Variants in TNFRSF13B observed in about 807,000 individuals in gnomAD.
TNFRSF13B encodes tumor necrosis factor receptor superfamily member 13B.
A neutral mutation model predicts 24.0 loss-of-function variants in TNFRSF13B; 34 were observed. The ratio of observed to expected loss-of-function variants is 1.41; its 90% CI spans 1.08 to 1.88. The LOEUF is 1.88. Ranked by LOEUF, TNFRSF13B falls within the 40% of genes most tolerant of loss-of-function variation. TNFRSF13B has a pLI of 0.00. For synonymous variants in TNFRSF13B, 173 were observed against 150.3 expected, an observed-to-expected ratio of 1.15 and a Z score of -1.10; for missense variants, 415 against 380.8, an observed-to-expected ratio of 1.09 and a Z score of -0.75.
intron 3 of TNFRSF13B, chr17:16,940,834 A>G: frequency 7.9e-7 from 1 of 1,262,284 alleles, no homozygotes; most frequent in South Asian, 1.6e-5. Context: ...CGAACAGACG[A>G]TGCTCCAGGG....
chr17:16,952,133 AC>A (rs2087593186), intron 2 of TNFRSF13B, among the ~76,000 whole-genome samples: 1 of 152,066 alleles, frequency 6.6e-6, no homozygotes, highest in African/African-American at 2.4e-5. Flanking sequence ...GTCAGAGGAG[AC>A]CCCTGACGTT....
rs1267224269 is a variant in TNFRSF13B at position 16,961,827 on chromosome 17, A to G, written c.62-9244T>C. 3.3e-5 allele frequency among the ~76,000 whole-genome samples: 5 copies of G among 152,232 alleles called. No individual in the cohort carries two copies. In the East Asian group the frequency reaches 9.6e-4, roughly 29 times the overall value. On this transcript the variant is annotated intron_variant, in intron 1 of 4. Transcript: ENST00000261652. ...TAGAAAGTTATTTTCAGTCTAGAAC[A>G]TTGTTATCTATCAAGTGCGAGGTAG...
chr17:16,941,349 G>C (rs1365280308), intron 3 of TNFRSF13B: 1 of 987,558 alleles, frequency 1.0e-6, no homozygotes, highest in East Asian at 1.1e-4. Context: ...GCCACCCTAT[G>C]ACTCAGGACT....
chr17:16,968,107 C>T (rs1432607141), intron 1 of TNFRSF13B, among the ~76,000 whole-genome samples: 4 of 144,034 alleles, frequency 2.8e-5, no homozygotes, highest in Admixed American at 1.4e-4. Context: ...CACCACTGCA[C>T]TCCAGCCTGG....
intron 1 of TNFRSF13B, among the ~76,000 whole-genome samples, chr17:16,960,512 A>T (rs1054568431): frequency 3.3e-5 from 5 of 152,210 alleles, no homozygotes; most frequent in Non-Finnish European, 7.4e-5. Context: ...TTCAATGGGG[A>T]AAAGGACAGT....
At chr17:16,940,243 G>C in intron 4 of TNFRSF13B, 83 bp downstream of exon 4, 1 of 1,610,890 alleles carries the variant, frequency 6.2e-7, no homozygotes, top group South Asian at 1.1e-5. Context: ...CTAGAAGCAG[G>C]GGCAGTGACA....
chr17:16,946,596 A>ATT lies in TNFRSF13B; in HGVS notation c.445+2140_445+2141dup, dbSNP rs869159793. On this transcript the variant is annotated intron_variant, in intron 3 of 4. Coordinates refer to ENST00000261652, the MANE Select transcript of TNFRSF13B (RefSeq NM_012452.3). ...TTTATTTTTATTTATTTATTTATTT[A>ATT]TTTTTTTTTGAGACACAGTCTCACT... is the stretch of plus-strand genomic sequence containing the variant. Among the ~76,000 whole-genome samples, 120 of 136,286 alleles carry ATT rather than the reference A, an allele frequency of 8.8e-4. 1 individual carries two copies. Among genetic ancestry groups the ATT allele is most frequent in the African/African-American group, 3.1e-3 (112 of 36,198 alleles). The allele number at this position is 136,286 out of a possible 152,430, so 89.4% of individuals were successfully genotyped here. A position where few individuals can be genotyped will look rare whatever the true frequency, so the allele number is the denominator to read the frequency against.
chr17:16,952,520 G>T lies in TNFRSF13B; in HGVS notation c.125C>A (p.Pro42His), dbSNP rs770198071. The T allele has an allele frequency of 6.2e-7, 1 of 1,614,228 alleles. No individual in the cohort carries two copies. Among genetic ancestry groups the T allele is most frequent in the Non-Finnish European group, 8.5e-7 (1 of 1,180,032 alleles). Reference protein sequence around the residue: ...RSCPEEQYWDPLLGTCMSCKT... With the variant: ...RSCPEEQYWDHLLGTCMSCKT... Reference sequence around the variant, plus strand: ...GCAGGACATGCAGGTACCCAGCAGAGGATCCCAGTACTGCTCTTCGGGGCA... The same window carrying T: ...GCAGGACATGCAGGTACCCAGCAGATGATCCCAGTACTGCTCTTCGGGGCA... Residue 42 changes from proline (P) to histidine (H), a missense_variant, in exon 2 of 5, where the codon CCT becomes CAT. Transcript: ENST00000261652.
At position 16,952,592 on chromosome 17, in the gene TNFRSF13B, C is replaced by T. The variant is rs1325092488; in HGVS notation, c.62-9G>A. On this transcript the variant is annotated splice_polypyrimidine_tract_variant and intron_variant, in intron 1 of 4. Coordinates refer to ENST00000261652, the MANE Select transcript of TNFRSF13B (RefSeq NM_012452.3). ...CCACAGGCCCTGTGGAACTGAGAGA[C>T]CAGGAGAGTGAGGGCAGCTGGCAGG... 3 of 1,614,178 alleles carry T rather than the reference C, an allele frequency of 1.9e-6. No homozygotes were observed. Among genetic ancestry groups the T allele is most frequent in the Admixed American group, 3.3e-5 (2 of 60,018 alleles).
At position 16,948,921 on chromosome 17, in the gene TNFRSF13B, T is replaced by C. The variant is rs2087568984; in HGVS notation, c.262A>G (p.Ser88Gly). The C allele has an allele frequency of 6.2e-7, 1 of 1,614,108 alleles. No homozygotes were observed. Among genetic ancestry groups the C allele is most frequent in the Non-Finnish European group, 8.5e-7 (1 of 1,180,038 alleles). ...TGCTGTCCACAGATGGAGGCACAGC[T>C]GATGCAGTCCCTCAGGAGATGGTCA... ...FYDHLLRDCI[S>G]CASICGQHPK... The change falls in exon 3 of 5, where the codon AGC becomes GGC. Residue 88 changes from serine to glycine, a missense_variant. Physicochemically the swap from Ser to Gly is moderately conservative, Grantham distance 56 (BLOSUM62 0). Coordinates refer to ENST00000261652, the MANE Select transcript of TNFRSF13B (RefSeq NM_012452.3).
At chr17:16,952,720 A>G (rs931569462) in intron 1 of TNFRSF13B, 137 bp from the exon 2 acceptor site, 2 of 1,382,750 alleles carry the variant, frequency 1.4e-6, no homozygotes, top group African/African-American at 2.9e-5. Context: ...GAGGGCAGAC[A>G]AAGTTGGCTT....
At chr17:16,967,862 G>C (rs1469821590) in intron 1 of TNFRSF13B, among the ~76,000 whole-genome samples, 1 of 151,220 alleles carries the variant, frequency 6.6e-6, no homozygotes, top group African/African-American at 2.4e-5. Flanking sequence ...AGAAGGCCAG[G>C]CATGGTGGCT....
chr17:16,960,118 A>G (rs1442341197), intron 1 of TNFRSF13B, among the ~76,000 whole-genome samples: 1 of 151,952 alleles, frequency 6.6e-6, no homozygotes, highest in Non-Finnish European at 1.5e-5. Context: ...TTGGAGTGCA[A>G]TGGTAGTTCC....
At chr17:16,941,024 A>G (rs778555814) in intron 3 of TNFRSF13B, 10 of 738,276 alleles carry the variant, frequency 1.4e-5, no homozygotes, top group Admixed American at 1.0e-4. Flanking sequence ...CATATAACCT[A>G]TGCACATCCT....
At position 16,972,027 on chromosome 17, in the gene TNFRSF13B, G is replaced by A. The variant is rs764951604; in HGVS notation, c.49C>T (p.Gln17Ter). 2 of 1,614,088 alleles carry A rather than the reference G, an allele frequency of 1.2e-6. No individual in the cohort carries two copies. Among genetic ancestry groups the A allele is most frequent in the Admixed American group, 3.3e-5 (2 of 60,024 alleles). ...CCCGGCTACTCACAGCGCTCCTCCTGGTCCACACGGCTCCGGCCACCTCGC... is the reference window on the plus strand; with the variant it reads ...CCCGGCTACTCACAGCGCTCCTCCTAGTCCACACGGCTCCGGCCACCTCGC... ...SRRGGRSRVD[Q>*]EERFPQGLWT... Residue 17 changes from glutamine (Q) to a stop codon, truncating the protein, a stop_gained, in exon 1 of 5, where the codon CAG becomes TAG. Coordinates refer to ENST00000261652, the MANE Select transcript of TNFRSF13B (RefSeq NM_012452.3). LOFTEE classifies it high-confidence loss of function.
At chr17:16,943,161 G>A (rs1178791226) in intron 3 of TNFRSF13B, among the ~76,000 whole-genome samples, 1 of 152,198 alleles carries the variant, frequency 6.6e-6, no homozygotes, top group Non-Finnish European at 1.5e-5. Flanking sequence ...CCGCCTAGCT[G>A]AACCCTGCCT....
intron 1 of TNFRSF13B, among the ~76,000 whole-genome samples, chr17:16,966,649 A>G (rs1480084080): frequency 6.6e-6 from 1 of 152,070 alleles, no homozygotes; most frequent in Non-Finnish European, 1.5e-5. Flanking sequence ...AATAACCCCC[A>G]TGGAGGGTAA....
chr17:16,961,239 C>T (rs999316280), intron 1 of TNFRSF13B, among the ~76,000 whole-genome samples: 2 of 152,186 alleles, frequency 1.3e-5, no homozygotes, highest in African/African-American at 4.8e-5. Flanking sequence ...TAATTCCACT[C>T]CTAAGCAAAC....
intron 4 of TNFRSF13B, 164 bp downstream of exon 4, chr17:16,940,162 C>T: frequency 1.3e-6 from 2 of 1,497,662 alleles, no homozygotes; most frequent in Non-Finnish European, 1.8e-6. Context: ...AGTTATCTGT[C>T]TGCCAGGATG....
Sources: gnomAD v4.1 joint callset for allele counts (sites outside exome capture counted in the v4.1 genomes callset) on GRCh38, gnomAD v4.1.1 for gene constraint, MANE v1.5 for transcripts, NCBI Gene and HGNC (gene_info 2026-07-23, HGNC 2026-07-21) for gene names.